The following MACROD2 variants were observed in gnomAD, a reference collection of about 807,000 sequenced individuals.
The protein encoded by MACROD2 is mono-ADP ribosylhydrolase 2.
In MACROD2, 36 loss-of-function variants were observed where a neutral mutation model predicts 70.4. The ratio of observed to expected loss-of-function variants is 0.51; its 90% confidence interval spans 0.39 to 0.68. MACROD2 has a LOEUF of 0.68. Ranked by LOEUF, MACROD2 falls within the 30% of genes least tolerant of loss-of-function variation. The pLI, the probability that MACROD2 is intolerant of heterozygous loss-of-function variation, is 0.00. For synonymous variants in MACROD2, 172 were observed against 178.8 expected, an observed-to-expected ratio of 0.96 and a Z score of 0.30; for missense variants, 496 against 538.4, an observed-to-expected ratio of 0.92 and a Z score of 0.78.
At chr20:15,482,286 T>C (rs1054458861) in intron 7 of MACROD2, among the ~76,000 whole-genome samples, 1 of 152,146 alleles carries the variant, frequency 6.6e-6, no homozygotes, top group East Asian at 1.9e-4. Context: ...ATTTGACAGA[T>C]ACCACACCAA....
At chr20:14,674,020 TA>T (rs780795486) in intron 4 of MACROD2, among the ~76,000 whole-genome samples, 20 of 152,138 alleles carry the variant, frequency 1.3e-4, no homozygotes, top group Non-Finnish European at 2.8e-4. Flanking sequence ...AAGTGCTTTA[TA>T]AAATGTAATA....
chr20:14,004,785 G>A (rs2052789750), intron 2 of MACROD2, among the ~76,000 whole-genome samples: 1 of 152,012 alleles, frequency 6.6e-6, no homozygotes, highest in Admixed American at 6.6e-5. Flanking sequence ...TTAAATATGG[G>A]ATTTTAAACT....
At chr20:14,386,875 C>T (rs2083473566) in intron 3 of MACROD2, among the ~76,000 whole-genome samples, 1 of 152,168 alleles carries the variant, frequency 6.6e-6, no homozygotes, top group African/African-American at 2.4e-5. Context: ...AGAGGCAGTA[C>T]TAGAGACAGA....
At chr20:14,172,621 TA>T (rs1279758015) in intron 3 of MACROD2, among the ~76,000 whole-genome samples, 1 of 152,186 alleles carries the variant, frequency 6.6e-6, no homozygotes, top group Admixed American at 6.5e-5. Context: ...CTGTATCTTT[TA>T]TGTGGATTAT....
At chr20:15,775,005 A>T (rs1181144292) in intron 8 of MACROD2, among the ~76,000 whole-genome samples, 2 of 152,078 alleles carry the variant, frequency 1.3e-5, no homozygotes, top group African/African-American at 4.8e-5. Flanking sequence ...TTTCTCATAA[A>T]GGGTTGCAGC....
chr20:14,639,831 A>T (rs1276037167), intron 4 of MACROD2, among the ~76,000 whole-genome samples: 2 of 152,192 alleles, frequency 1.3e-5, no homozygotes, highest in Non-Finnish European at 2.9e-5. Context: ...GTATTGCAGA[A>T]GTATAGCTTG....
At position 14,045,136 on chromosome 20, in the gene MACROD2, C is replaced by G. The variant is rs182264028; in HGVS notation, c.164-40485C>G. ...CTTCGGCTGGCCTGCAAGCGCTGCA[C>G]GTAGCCCCGGTTCCCGCCTGCGCCT... On this transcript the variant is annotated intron_variant, in intron 2 of 17. Transcript: ENST00000684519. 2.0e-3 allele frequency among the ~76,000 whole-genome samples: 305 copies of G among 152,370 alleles called. 2 individuals are homozygous for G. Among genetic ancestry groups the G allele is most frequent in the African/African-American group, 7.2e-3 (299 of 41,592 alleles).
intron 5 of MACROD2, among the ~76,000 whole-genome samples, chr20:15,096,993 G>T (rs977285640): frequency 2.0e-5 from 3 of 151,382 alleles, no homozygotes; most frequent in Admixed American, 2.0e-4. Context: ...TGCATTTTTA[G>T]TAAAGACAGG....
intron 6 of MACROD2, among the ~76,000 whole-genome samples, chr20:15,260,119 T>G (rs1227719366): frequency 6.6e-6 from 1 of 151,432 alleles, no homozygotes. Flanking sequence ...TCAGCAATAG[T>G]TTTTTTGTGT....
At chr20:16,032,858 G>GAAA (rs1335237010) in intron 15 of MACROD2, among the ~76,000 whole-genome samples, 1 of 151,752 alleles carries the variant, frequency 6.6e-6, no homozygotes, top group Non-Finnish European at 1.5e-5. Flanking sequence ...GGAAAATGAG[G>GAAA]AAAAGGTAAG....
chr20:14,175,647 C>G (rs1330366134), intron 3 of MACROD2, among the ~76,000 whole-genome samples: 1 of 152,086 alleles, frequency 6.6e-6, no homozygotes, highest in African/African-American at 2.4e-5. Flanking sequence ...TTTTCCTGCC[C>G]CCAAGTGAGT....
At chr20:14,037,449 T>A (rs943951492) in intron 2 of MACROD2, among the ~76,000 whole-genome samples, 2 of 152,254 alleles carry the variant, frequency 1.3e-5, no homozygotes, top group African/African-American at 4.8e-5. Context: ...GCTTCTTTCA[T>A]GCAGTTATAA....
At position 14,761,328 on chromosome 20, in the gene MACROD2, A is replaced by G. The variant is rs1397997407; in HGVS notation, c.418+76369A>G. 3.9e-5 allele frequency among the ~76,000 whole-genome samples: 6 copies of G among 152,232 alleles called. No homozygotes were observed. In the East Asian group the frequency reaches 1.2e-3, roughly 29 times the overall value. On this transcript the variant is annotated intron_variant, in intron 5 of 17. Transcript: ENST00000684519. ...TGCTGAGGACTGGCTTTCTTTCTCC[A>G]TGCAACCTCCTGAAACATTGCCATT...
chr20:14,534,327 C>G (rs1453415999), intron 4 of MACROD2, among the ~76,000 whole-genome samples: 1 of 152,130 alleles, frequency 6.6e-6, no homozygotes, highest in Non-Finnish European at 1.5e-5. Flanking sequence ...GATTTTTATT[C>G]TTTGACTCAA....
chr20:14,538,285 C>T (rs935265916), intron 4 of MACROD2, among the ~76,000 whole-genome samples: 8 of 152,132 alleles, frequency 5.3e-5, no homozygotes, highest in Non-Finnish European at 8.8e-5. Flanking sequence ...CAGCTCTTGG[C>T]CCCAGGGCAG....
chr20:14,551,563 A>T (rs1376069300), intron 4 of MACROD2, among the ~76,000 whole-genome samples: 1 of 152,146 alleles, frequency 6.6e-6, no homozygotes, highest in Non-Finnish European at 1.5e-5. Context: ...TGGTGTACAG[A>T]TTGATTGAGG....
intron 4 of MACROD2, chr20:14,631,989 T>C (rs1386404008): frequency 6.6e-6 from 1 of 152,186 alleles, no homozygotes; most frequent in African/African-American, 2.4e-5. Flanking sequence ...ATAAGTGTGG[T>C]ATTCATTTTG....
intron 3 of MACROD2, among the ~76,000 whole-genome samples, chr20:14,199,355 A>G (rs1342394400): frequency 2.0e-5 from 3 of 152,212 alleles, no homozygotes; most frequent in Admixed American, 1.3e-4. Flanking sequence ...AAGAAGTTGG[A>G]ATCTGTAAAA....
intron 16 of MACROD2, among the ~76,000 whole-genome samples, chr20:16,041,608 G>A (rs927298678): frequency 5.3e-5 from 8 of 151,868 alleles, no homozygotes; most frequent in African/African-American, 1.4e-4. Context: ...TCTGCAAAAG[G>A]TACTTAGCCT....
Sources: allele counts gnomAD v4.1 joint callset (sites outside exome capture counted in the v4.1 genomes callset), GRCh38; gene constraint gnomAD v4.1.1; transcripts MANE v1.5; gene names NCBI Gene and HGNC (gene_info 2026-07-23, HGNC 2026-07-21).